Variants in ZNF34 observed in about 807,000 individuals in gnomAD.
The protein encoded by ZNF34 is zinc finger protein 34.
In ZNF34, 8 loss-of-function variants were observed where a neutral mutation model predicts 14.4. That is an observed-to-expected ratio of 0.55 (90% CI 0.33 to 1.00). ZNF34 has a LOEUF of 1.00. Ranked by LOEUF, ZNF34 falls within the 50% of genes least tolerant of loss-of-function variation. The pLI is 0.03. For missense variants in ZNF34, 538 were observed against 674.2 expected (o/e 0.80, Z 2.24); for synonymous variants, 235 against 247.9 (o/e 0.95, Z 0.49).
At position 144,778,426 on chromosome 8, in the gene ZNF34, G is replaced by C. The variant is rs774307679; in HGVS notation, c.33+13C>G. The C allele has an allele frequency of 9.0e-6, 14 of 1,551,252 alleles. No individual in the cohort carries two copies. Among genetic ancestry groups the C allele is most frequent in the Non-Finnish European group, 1.2e-5 (14 of 1,150,130 alleles). ...GTAAAAACTTCACTCCTCCCAGGAG[G>C]ACAGACACTCACCTGGGGTGGGGCA... On this transcript the variant is annotated intron_variant, in intron 3 of 5. Transcript: ENST00000429371.
intron 1 of ZNF34, chr8:144,785,425 T>C (rs1010743315): frequency 2.6e-5 from 4 of 152,000 alleles, no homozygotes; most frequent in African/African-American, 9.7e-5. Context: ...ATCAATATGG[T>C]GACATCCGGG....
chr8:144,785,595 T>C (rs552563497), intron 1 of ZNF34: 4 of 152,272 alleles, frequency 2.6e-5, no homozygotes, highest in South Asian at 4.1e-4. Flanking sequence ...CTCTAATTTT[T>C]TAATTAAGAA....
rs765222182 is a variant in ZNF34 at position 144,778,162 on chromosome 8, G to A, written c.36C>T (p.Ala12=). Residue 12 remains alanine, a splice_region_variant and synonymous_variant, in exon 4 of 6, where the codon GCC becomes GCT. Transcript: ENST00000429371. The part of the protein sequence containing the change: ...AALFLSAPPQ[A]EVTFEDVAVY... ...CAGCCACGTCCTCGAAGGTCACCTCGGCCTGGAATGACAGGGACTACTGCA... is the reference window on the plus strand; with the variant it reads ...CAGCCACGTCCTCGAAGGTCACCTCAGCCTGGAATGACAGGGACTACTGCA... 1.5e-4 allele frequency: 248 copies of A among 1,611,350 alleles called. No homozygotes were observed. The highest frequency in any genetic ancestry group is 1.9e-4 in the Non-Finnish European group (223 of 1,178,584).
chr8:144,777,597 T>G lies in ZNF34; in HGVS notation c.161-20A>C. 1.3e-6 allele frequency: 2 copies of G among 1,550,724 alleles called. No homozygotes were observed. The highest frequency in any genetic ancestry group is 1.7e-6 in the Non-Finnish European group (2 of 1,146,770). ...CTACTCCTGGGAAGGAGACAGGGAC[T>G]GGGGTTGGTACCAAGGACACAGGGC... On this transcript the variant is annotated intron_variant, in intron 4 of 5. Coordinates refer to ENST00000429371, the MANE Select transcript of ZNF34 (RefSeq NM_001286769.2). This position sits in a 1 kb window ranked among gnomAD's most constrained non-coding sequence, Gnocchi z 4.8.
At position 144,774,599 on chromosome 8, in the gene ZNF34, C is replaced by A; in HGVS notation, c.287G>T (p.Gly96Val). The A allele has an allele frequency of 6.2e-7, 1 of 1,608,224 alleles. No homozygotes were observed. Among genetic ancestry groups the A allele is most frequent in the Non-Finnish European group, 8.5e-7 (1 of 1,177,142 alleles). Reference protein sequence around the residue: ...EHLRVNSPALGTRTEYKELTS... With the variant: ...EHLRVNSPALVTRTEYKELTS... ...CAACTCCTTGTACTCAGTTCTGGTC[C>A]CAAGAGCTGAAACAAAAAACAGAAC... Residue 96 changes from glycine (G) to valine (V), a missense_variant, in exon 6 of 6, where the codon GGG (glycine) becomes GTG (valine). Around this residue, in one of 3 missense-constraint regions of ZNF34, gnomAD observed 431 missense variants for 525.7 expected, o/e 0.82. Coordinates refer to ENST00000429371, the MANE Select transcript of ZNF34 (RefSeq NM_001286769.2).
chr8:144,785,118 A>G (rs1277217718), intron 1 of ZNF34, among the ~76,000 whole-genome samples: 3 of 147,306 alleles, frequency 2.0e-5, no homozygotes, highest in African/African-American at 7.3e-5. Context: ...AAAAAAAAAA[A>G]AAAAAAAAAA....
intron 5 of ZNF34, among the ~76,000 whole-genome samples, chr8:144,776,779 T>C (rs1272652103): frequency 6.6e-6 from 1 of 150,912 alleles, no homozygotes; most frequent in Non-Finnish European, 1.5e-5. Flanking sequence ...GAGTGACACA[T>C]GACATGCCTG....
chr8:144,775,040 C>T (rs1825420452), intron 5 of ZNF34, among the ~76,000 whole-genome samples: 2 of 152,234 alleles, frequency 1.3e-5, no homozygotes, highest in East Asian at 1.9e-4. Flanking sequence ...CCACATGGCA[C>T]TCTCATGAGA....
chr8:144,773,972 T>C lies in ZNF34; in HGVS notation c.914A>G (p.Gln305Arg), dbSNP rs1231148592. 4 of 1,614,074 alleles carry C rather than the reference T, an allele frequency of 2.5e-6. No individual in the cohort carries two copies. The Admixed American group carries it at 5.0e-5, about 20-fold the overall frequency. ...FTRRPNLMKH[Q>R]RIHTGEKPYK... ...GGGTTTCTCCCCAGTGTGAATCCTC[T>C]GGTGCTTCATGAGGTTGGGCCTCCG... Residue 305 changes from glutamine to arginine, a missense_variant, in exon 6 of 6, where the codon CAG (glutamine) becomes CGG (arginine). By Grantham distance (43) the Gln-to-Arg change is conservative. Around this residue, in one of 3 missense-constraint regions of ZNF34, gnomAD observed 431 missense variants for 525.7 expected, o/e 0.82. Transcript: ENST00000429371. The surrounding 1 kb of genome is among the most constrained non-coding windows in gnomAD (Gnocchi z 5.4).
intron 5 of ZNF34, among the ~76,000 whole-genome samples, chr8:144,776,903 C>A (rs1305220256): frequency 4.3e-5 from 5 of 116,846 alleles, no homozygotes; most frequent in Non-Finnish European, 1.7e-5. Flanking sequence ...TAGAGGGCGA[C>A]CCTGTCTCAA....
Position 144,783,419 on chromosome 8 carries a change from G to T in ZNF34, c.-107-3139C>A, listed in dbSNP as rs539002969. ...GAAATATAAGCTACAAGGATCAGAA[G>T]AAAAAAGACAAAATCATCATTCTTT... On this transcript the variant is annotated intron_variant, in intron 1 of 5. Coordinates refer to ENST00000429371, the MANE Select transcript of ZNF34 (RefSeq NM_001286769.2). Among the ~76,000 whole-genome samples the T allele has an allele frequency of 8.9e-4, 135 of 152,162 alleles. 1 individual carries two copies. The highest frequency in any genetic ancestry group is 2.5e-4 in the Non-Finnish European group (17 of 67,978).
rs551576296 is a variant in ZNF34, at chr8:144,783,902, C to G, written c.-108+3377G>C. ...CAGTGTGGCCAGGCGCAGTGGCTCA[C>G]GCCTATAATCCCAGCACTTTGGGAG... is the stretch of plus-strand genomic sequence containing the variant. On this transcript the variant is annotated intron_variant, in intron 1 of 5. Transcript: ENST00000429371. 1.1e-3 allele frequency among the ~76,000 whole-genome samples: 169 copies of G among 152,334 alleles called. 1 individual carries two copies. The highest frequency in any genetic ancestry group is 3.7e-3 in the African/African-American group (152 of 41,584).
intron 1 of ZNF34, among the ~76,000 whole-genome samples, chr8:144,781,267 GGAGT>G (rs1825864761): frequency 1.3e-5 from 2 of 151,434 alleles, no homozygotes; most frequent in Non-Finnish European, 2.9e-5. Context: ...ATCCTCCTCT[GGAGT>G]GAGTTTTTTT....
chr8:144,781,513 C>T (rs1281139649), intron 1 of ZNF34, among the ~76,000 whole-genome samples: 1 of 152,054 alleles, frequency 6.6e-6, no homozygotes, highest in East Asian at 1.9e-4. Flanking sequence ...GCCTTGGCCT[C>T]CCAAAGTGCT....
At chr8:144,787,098 CG>C (rs1826293780) in intron 1 of ZNF34, among the ~76,000 whole-genome samples, 180 bp downstream of exon 1, 1 of 144,348 alleles carries the variant, frequency 6.9e-6, no homozygotes. Context: ...AGCGGCGAGG[CG>C]CAGTCCGTAC....
intron 1 of ZNF34, among the ~76,000 whole-genome samples, chr8:144,780,525 C>T (rs1333950175): frequency 2.6e-5 from 4 of 152,168 alleles, no homozygotes; most frequent in East Asian, 3.9e-4. Context: ...TGGTGGCTCA[C>T]GCCTGCAATC....
chr8:144,773,242 C>T lies in ZNF34; in HGVS notation c.*24G>A, dbSNP rs545967816. On this transcript the variant is annotated 3_prime_UTR_variant, in exon 6 of 6. Transcript: ENST00000429371. The surrounding 1 kb of genome is among the most constrained non-coding windows in gnomAD (Gnocchi z 5.4). ...CATGCAGGAAGTGCTCAGCTGGACTCTGCCCTCGGACACCGCGCCACTGTT... is the reference window on the plus strand; with the variant it reads ...CATGCAGGAAGTGCTCAGCTGGACTTTGCCCTCGGACACCGCGCCACTGTT... 1.1e-5 allele frequency: 18 copies of T among 1,575,070 alleles called. No individual in the cohort carries two copies. The highest frequency in any genetic ancestry group is 1.2e-5 in the Non-Finnish European group (14 of 1,156,772).
At position 144,780,344 on chromosome 8, in the gene ZNF34, T is replaced by G. The variant is rs1001304599; in HGVS notation, c.-107-64A>C. 4 of 1,215,288 alleles carry G rather than the reference T, an allele frequency of 3.3e-6. No individual in the cohort carries two copies. The African/African-American group carries it at 6.0e-5, about 18-fold the overall frequency. The allele number at this position is 1,215,288 out of a possible 1,614,324, so 75.3% of individuals were successfully genotyped here. On this transcript the variant is annotated intron_variant, in intron 1 of 5. Transcript: ENST00000429371. Reference sequence around the variant, plus strand: ...ATATTAGATCAAACACTAGTTAAAATGAAGCTGTGGTAGCTATATATCTTT... The same window carrying G: ...ATATTAGATCAAACACTAGTTAAAAGGAAGCTGTGGTAGCTATATATCTTT...
Position 144,773,100 on chromosome 8 carries a change from T to G in ZNF34, c.*166A>C, listed in dbSNP as rs1337523558. ...CTTTTCTGTCTCAATTTCTCTAAAA[T>G]GAACATGCACTGCTTTTGATTTAAG... is the stretch of plus-strand genomic sequence containing the variant. On this transcript the variant is annotated 3_prime_UTR_variant, in exon 6 of 6. Transcript: ENST00000429371. This position sits in a 1 kb window ranked among gnomAD's most constrained non-coding sequence, Gnocchi z 5.4. 5.5e-6 allele frequency: 4 copies of G among 723,340 alleles called. No homozygotes were observed. The highest frequency in any genetic ancestry group is 8.1e-6 in the Non-Finnish European group (4 of 491,188). 44.8% of individuals were successfully genotyped at this position (723,340 alleles called of 1,614,324 possible). A position where few individuals can be genotyped will look rare whatever the true frequency, so the allele number is the denominator to read the frequency against.
Sources: allele counts gnomAD v4.1 joint callset (sites outside exome capture counted in the v4.1 genomes callset), GRCh38; gene constraint gnomAD v4.1.1; regional missense constraint gnomAD v4.1.1; non-coding constraint Gnocchi (gnomAD v3.1); transcripts MANE v1.5; gene names NCBI Gene and HGNC (gene_info 2026-07-23, HGNC 2026-07-21).